The following GCN1 variants were observed in gnomAD, a reference collection of about 807,000 sequenced individuals.
GCN1 encodes GCN1 activator of EIF2AK4.
A neutral mutation model predicts 288.4 loss-of-function variants in GCN1; 90 were observed. The ratio of observed to expected loss-of-function variants is 0.31; its 90% CI spans 0.26 to 0.37. The LOEUF (loss-of-function observed/expected upper bound fraction) is 0.37, where lower values mean the gene tolerates loss of function less well. Among genes scored for constraint, GCN1 ranks in the 10% least tolerant of loss-of-function variants. The pLI, the probability that GCN1 is intolerant of heterozygous loss-of-function variation, is 1.00. For missense variants in GCN1, 2,586 were observed against 3,419.9 expected (o/e 0.76, Z 6.08); for synonymous variants, 1,386 against 1,420.2 (o/e 0.98, Z 0.54).
chr12:120,141,242 CTAACAT>C (rs1387301308), intron 44 of GCN1, among the ~76,000 whole-genome samples: 29 of 152,156 alleles, frequency 1.9e-4, no homozygotes, highest in Admixed American at 1.9e-3. Flanking sequence ...CCTACACAAC[CTAACAT>C]TAAGAGCCAG....
rs770953794 is a variant in GCN1, at chr12:120,155,483, C to T, written c.3441-53G>A. ...TTAGACAAAGATCTGCAGCACTTGCCCTGCCAGCCCAGCCCTTCTTCCCAC... is the reference window on the plus strand; with the variant it reads ...TTAGACAAAGATCTGCAGCACTTGCTCTGCCAGCCCAGCCCTTCTTCCCAC... On this transcript the variant is annotated intron_variant, in intron 29 of 57. Transcript: ENST00000300648. The surrounding 1 kb of genome is among the most constrained non-coding windows in gnomAD (Gnocchi z 4.9). 2 of 1,603,054 alleles carry T rather than the reference C, an allele frequency of 1.2e-6. No homozygotes were observed. The highest frequency in any genetic ancestry group is 2.2e-5 in the South Asian group (2 of 90,852).
chr12:120,147,744 T>G (rs1471050095), intron 37 of GCN1, among the ~76,000 whole-genome samples: 2 of 152,196 alleles, frequency 1.3e-5, no homozygotes, highest in Non-Finnish European at 2.9e-5. Flanking sequence ...ACAAGTGACA[T>G]GCTGGTCAAG....
chr12:120,173,504 C>A, intron 14 of GCN1, 149 bp downstream of exon 14: 1 of 603,808 alleles, frequency 1.7e-6, no homozygotes, highest in Non-Finnish European at 2.9e-6. Context: ...GGATTTTGGG[C>A]TAAGCCCAAT....
Position 120,137,142 on chromosome 12 carries a change from G to T in GCN1, c.6777+64C>A, listed in dbSNP as rs998249293. The T allele has an allele frequency of 9.1e-6, 11 of 1,212,158 alleles. No individual in the cohort carries two copies. The African/African-American group carries it at 1.3e-4, about 15-fold the overall frequency. The allele number at this position is 1,212,158 out of a possible 1,614,324, so 75.1% of individuals were successfully genotyped here. On this transcript the variant is annotated intron_variant, in intron 50 of 57. Coordinates refer to ENST00000300648, the MANE Select transcript of GCN1 (RefSeq NM_006836.2). The surrounding 1 kb of genome is among the most constrained non-coding windows in gnomAD (Gnocchi z 5.2). ...CCCCTACCGCAGACCTGGGACAGGGGTAAGGGCCAGAAGGGCACAACAGAC... is the reference window on the plus strand; with the variant it reads ...CCCCTACCGCAGACCTGGGACAGGGTTAAGGGCCAGAAGGGCACAACAGAC...
chr12:120,194,395 A>T (rs1472146429), intron 1 of GCN1, among the ~76,000 whole-genome samples: 1 of 152,218 alleles, frequency 6.6e-6, no homozygotes, highest in East Asian at 1.9e-4. Context: ...AGGCTCGGTA[A>T]AGTGAACTTC....
intron 16 of GCN1, among the ~76,000 whole-genome samples, chr12:120,165,221 G>A (rs906590407): frequency 1.3e-5 from 2 of 151,786 alleles, no homozygotes; most frequent in African/African-American, 4.8e-5. Context: ...TTTTTTAGTA[G>A]AGACTGGGTT....
Position 120,129,153 on chromosome 12 carries a change from T to C in GCN1, c.7890+123A>G, listed in dbSNP as rs1876726237. 14 of 818,808 alleles carry C rather than the reference T, an allele frequency of 1.7e-5. No homozygotes were observed. The Admixed American group carries it at 2.9e-4, about 17-fold the overall frequency. The allele number at this position is 818,808 out of a possible 1,614,324, so 50.7% of individuals were successfully genotyped here. On this transcript the variant is annotated intron_variant, in intron 57 of 57. Transcript: ENST00000300648. Reference sequence around the variant, plus strand: ...CCCAGTCACCCAAATCTTAATCTGCTCCTGAAAGCTAGCACATCCGTGGTG... The same window carrying C: ...CCCAGTCACCCAAATCTTAATCTGCCCCTGAAAGCTAGCACATCCGTGGTG...
chr12:120,171,544 T>C (rs1282836590), intron 14 of GCN1, among the ~76,000 whole-genome samples: 6 of 152,176 alleles, frequency 3.9e-5, no homozygotes, highest in Non-Finnish European at 7.3e-5. Flanking sequence ...CATGTTTCCA[T>C]AGCTACTAAA....
chr12:120,157,332 A>G (rs1877781835), intron 26 of GCN1, among the ~76,000 whole-genome samples: 1 of 152,252 alleles, frequency 6.6e-6, no homozygotes, highest in African/African-American at 2.4e-5. Context: ...TATTAATACT[A>G]TCTGAGGTTG....
intron 1 of GCN1, among the ~76,000 whole-genome samples, chr12:120,194,221 C>A (rs1443527923): frequency 3.3e-5 from 5 of 152,230 alleles, no homozygotes; most frequent in African/African-American, 4.8e-5. Context: ...TCACAGAAAT[C>A]GACGAGCAGG....
intron 2 of GCN1, among the ~76,000 whole-genome samples, chr12:120,187,498 G>A (rs752705961): frequency 4.6e-5 from 7 of 152,014 alleles, no homozygotes; most frequent in Non-Finnish European, 8.8e-5. Context: ...TTCCAGGTGT[G>A]AGCCACCAAG....
chr12:120,169,889 GAAAC>G (rs778740913), intron 15 of GCN1, among the ~76,000 whole-genome samples: 1 of 152,186 alleles, frequency 6.6e-6, no homozygotes, highest in Non-Finnish European at 1.5e-5. Context: ...ATAACCAACT[GAAAC>G]AAACAGTCCC....
chr12:120,147,302 GA>G, intron 37 of GCN1, 30 bp from the exon 38 acceptor site: 1 of 1,332,626 alleles, frequency 7.5e-7, no homozygotes, highest in Non-Finnish European at 1.1e-6. Context: ...AGAGCTGGAT[GA>G]TATACATCTA....
rs1396124477 is a variant in GCN1, at chr12:120,149,675, G to C, written c.4477C>G (p.His1493Asp). Residue 1493 changes from histidine (H) to aspartate (D), a missense_variant, in exon 36 of 58, where the codon CAC (histidine) becomes GAC (aspartate). Transcript: ENST00000300648. ...AKAVMSNLSA[H>D]GVKLVLPSLL... The stretch of plus-strand genomic sequence containing the variant: ...GAGGGGAGCACCAGCTTCACCCCGT[G>C]AGCACTCAAGTTGCTCATCACAGCC... 6.2e-7 allele frequency: 1 copy of C among 1,613,940 alleles called. No homozygotes were observed. The highest frequency in any genetic ancestry group is 8.5e-7 in the Non-Finnish European group (1 of 1,180,018).
rs1284992420 is a variant in GCN1, at chr12:120,155,230, A to G, written c.3630+11T>C. The G allele has an allele frequency of 1.2e-6, 2 of 1,613,320 alleles. No homozygotes were observed. Among genetic ancestry groups the G allele is most frequent in the East Asian group, 4.5e-5 (2 of 44,874 alleles). ...CACCCAGACTGCATCAGGGCTGCAC[A>G]GGTCACTCACGTAGAGCTTTTCCTG... On this transcript the variant is annotated intron_variant, in intron 30 of 57. Transcript: ENST00000300648. The surrounding 1 kb of genome is among the most constrained non-coding windows in gnomAD (Gnocchi z 4.9).
In GCN1 at chr12:120,184,174, A is replaced by G. The variant is rs753468914; in HGVS notation, c.255T>C (p.Thr85=). 2.5e-6 allele frequency: 4 copies of G among 1,613,866 alleles called. No individual in the cohort carries two copies. Among genetic ancestry groups the G allele is most frequent in the Non-Finnish European group, 3.4e-6 (4 of 1,179,728 alleles). The change falls in exon 4 of 58, where the codon ACT becomes ACC. Residue 85 remains threonine (T), a synonymous_variant. Coordinates refer to ENST00000300648, the MANE Select transcript of GCN1 (RefSeq NM_006836.2). ...GCAGAGAGTGTAGAAGGTTCTTAGC[A>G]GTGGCTTCTGGCTGGGCCTCAGCCA... ...QQLAEAQPEA[T]AKNLLHSLQS...
At chr12:120,177,093 C>T (rs1228350819) in intron 9 of GCN1, among the ~76,000 whole-genome samples, 2 of 152,096 alleles carry the variant, frequency 1.3e-5, no homozygotes, top group Non-Finnish European at 2.9e-5. Flanking sequence ...GGGTCTCACT[C>T]TGTCACTCAG....
chr12:120,155,639 C>T lies in GCN1; in HGVS notation c.3393G>A (p.Trp1131Ter). 6.2e-7 allele frequency: 1 copy of T among 1,614,094 alleles called. No individual in the cohort carries two copies. Among genetic ancestry groups the T allele is most frequent in the Non-Finnish European group, 8.5e-7 (1 of 1,179,968 alleles). The change falls in exon 29 of 58, where the codon TGG (tryptophan) becomes TGA (stop). Residue 1131 changes from tryptophan to a stop codon, truncating the protein, a stop_gained. Coordinates refer to ENST00000300648, the MANE Select transcript of GCN1 (RefSeq NM_006836.2). LOFTEE classifies it high-confidence loss of function. The surrounding 1 kb of genome is among the most constrained non-coding windows in gnomAD (Gnocchi z 4.9). ...KNGLNLLRRLWVVKFDKEEEI... is the reference protein window; with the variant it reads ...KNGLNLLRRL ...CCTCCTCCTTGTCAAACTTGACCAC[C>T]CAGAGTCTCCGCAGAAGGTTCAGGC...
intron 16 of GCN1, among the ~76,000 whole-genome samples, chr12:120,166,794 T>C (rs1320018817): frequency 6.6e-6 from 1 of 151,160 alleles, no homozygotes; most frequent in Non-Finnish European, 1.5e-5. Context: ...GAGAATTGCT[T>C]AAGCCCAGGA....
Sources: gnomAD v4.1 joint callset for allele counts (sites outside exome capture counted in the v4.1 genomes callset) on GRCh38, gnomAD v4.1.1 for gene constraint, Gnocchi (gnomAD v3.1) non-coding constraint, MANE v1.5 for transcripts, NCBI Gene and HGNC (gene_info 2026-07-23, HGNC 2026-07-21) for gene names.